KCMF1: variants seen among roughly 807,000 people sequenced by gnomAD.
KCMF1 encodes E3 ubiquitin-protein ligase KCMF1.
KCMF1 carries 3 observed loss-of-function variants against 41.1 expected under a neutral mutation model. The observed-to-expected ratio is 0.07, with a 90% CI of 0.03 to 0.19. The LOEUF (loss-of-function observed/expected upper bound fraction) is 0.19, where lower values mean the gene tolerates loss of function less well. Ranked by LOEUF, KCMF1 falls within the 10% of genes least tolerant of loss-of-function variation. KCMF1 has a pLI of 1.00. For missense variants in KCMF1, 286 were observed against 488.9 expected, an observed-to-expected ratio of 0.58 and a Z score of 3.91; for synonymous variants, 142 against 164.5, an observed-to-expected ratio of 0.86 and a Z score of 1.04.
intron 3 of KCMF1, 131 bp from the exon 4 acceptor site, chr2:85,043,433 C>A: frequency 1.5e-6 from 1 of 661,824 alleles, no homozygotes; most frequent in Non-Finnish European, 2.7e-6. Context: ...CTGCTTTTCA[C>A]TGATTTAGGA....
chr2:85,056,936 T>C lies in KCMF1; in HGVS notation c.*3527T>C, dbSNP rs990199187. 6.6e-6 allele frequency: 1 copy of C among 152,242 alleles called. No individual in the cohort carries two copies. The highest frequency in any genetic ancestry group is 1.5e-5 in the Non-Finnish European group (1 of 68,076). 9.4% of individuals were successfully genotyped at this position (152,242 alleles called of 1,614,324 possible). A position where few individuals can be genotyped will look rare whatever the true frequency, so the allele number is the denominator to read the frequency against. On this transcript the variant is annotated 3_prime_UTR_variant, in exon 7 of 7. Transcript: ENST00000409785. The stretch of plus-strand genomic sequence containing the variant: ...GCTCACGCCTGTAATCCCAGCACTT[T>C]GCGAGGCCGAGGCGGGTGGATCACG...
chr2:85,053,097 A>T, intron 6 of KCMF1, 51 bp from the exon 7 acceptor site: 1 of 1,519,726 alleles, frequency 6.6e-7, no homozygotes, highest in Non-Finnish European at 8.9e-7. Context: ...TGGCCATGCC[A>T]TTGTTCATTG....
chr2:84,984,188 A>G (rs893300595), intron 1 of KCMF1, among the ~76,000 whole-genome samples: 3 of 151,844 alleles, frequency 2.0e-5, no homozygotes, highest in Admixed American at 2.0e-4. Context: ...GCAACATGGT[A>G]AGACCCCATC....
In KCMF1 at chr2:84,971,460, A is replaced by T; in HGVS notation, c.9A>T (p.Arg3=). MS[R]HEGVSCDACL... ...CCACCGTCTGAACTAGGATGTCCCG[A>T]CATGAAGGTGAGAGGAGCCCCCGCC... Residue 3 remains arginine (R), a synonymous_variant, in exon 1 of 7, where the codon CGA becomes CGT. Transcript: ENST00000409785. The T allele has an allele frequency of 7.8e-7, 1 of 1,281,568 alleles. No homozygotes were observed. Among genetic ancestry groups the T allele is most frequent in the Non-Finnish European group, 1.0e-6 (1 of 991,354 alleles). 79.4% of individuals were successfully genotyped at this position (1,281,568 alleles called of 1,614,324 possible). A position where few individuals can be genotyped will look rare whatever the true frequency, so the allele number is the denominator to read the frequency against.
At chr2:85,043,238 A>G (rs969635631) in intron 3 of KCMF1, among the ~76,000 whole-genome samples, 1 of 152,198 alleles carries the variant, frequency 6.6e-6, no homozygotes, top group Non-Finnish European at 1.5e-5. Context: ...GACTGGACTT[A>G]CACGTAAATG....
chr2:84,986,970 G>A (rs971432081), intron 1 of KCMF1, among the ~76,000 whole-genome samples: 15 of 152,276 alleles, frequency 9.9e-5, no homozygotes, highest in African/African-American at 3.1e-4. Flanking sequence ...TGGGTTCAAT[G>A]CTAGTAGTCT....
At chr2:84,991,540 T>TC (rs528975818) in intron 1 of KCMF1, among the ~76,000 whole-genome samples, 12 of 152,330 alleles carry the variant, frequency 7.9e-5, no homozygotes, top group Admixed American at 2.0e-4. Context: ...TTGTCTTTTT[T>TC]CCCACAGTTG....
rs77485870 is a variant in KCMF1 at position 84,980,716 on chromosome 2, A to T, written c.16+9249A>T. On this transcript the variant is annotated intron_variant, in intron 1 of 6. Coordinates refer to ENST00000409785, the MANE Select transcript of KCMF1 (RefSeq NM_020122.5). ...GAGTCCAGTGACATAAACAAGGCTT[A>T]CTGCAGCCTCAACCTTTGGGCTTAC... Among the ~76,000 whole-genome samples, 892 of 151,722 alleles carry T rather than the reference A, an allele frequency of 5.9e-3. 34 individuals carry two copies. In the East Asian group the frequency reaches 0.12, roughly 21 times the overall value.
At chr2:85,008,291 T>TATATC (rs1553379313) in intron 1 of KCMF1, among the ~76,000 whole-genome samples, 878 of 14,622 alleles carry the variant, frequency 0.06, 30 homozygotes, top group African/African-American at 0.13. Context: ...TGATATATAA[T>TATATC]ATATATAATA....
chr2:84,999,146 C>T (rs1558569679), intron 1 of KCMF1, among the ~76,000 whole-genome samples: 1 of 151,520 alleles, frequency 6.6e-6, no homozygotes, highest in African/African-American at 2.4e-5. Flanking sequence ...CGCCTGGCCT[C>T]TTATTTATTT....
intron 1 of KCMF1, among the ~76,000 whole-genome samples, chr2:84,986,915 A>G (rs1233876683): frequency 6.6e-6 from 1 of 152,124 alleles, no homozygotes; most frequent in Non-Finnish European, 1.5e-5. Flanking sequence ...GGACTTACTT[A>G]AGGTTCCAAG....
At chr2:85,049,320 T>C (rs370604700) in intron 5 of KCMF1, 46 bp from the exon 6 acceptor site, 19 of 1,582,308 alleles carry the variant, frequency 1.2e-5, no homozygotes, top group Non-Finnish European at 1.4e-5. Context: ...CGTTTTGTTT[T>C]CCTCAGTATT....
chr2:84,983,418 C>G (rs1673814562), intron 1 of KCMF1, among the ~76,000 whole-genome samples: 1 of 152,020 alleles, frequency 6.6e-6, no homozygotes, highest in African/African-American at 2.4e-5. Context: ...CCTTGACCTC[C>G]CATCCTCAAG....
At chr2:85,034,218 A>G (rs1216340704) in intron 2 of KCMF1, among the ~76,000 whole-genome samples, 2 of 152,204 alleles carry the variant, frequency 1.3e-5, no homozygotes, top group South Asian at 2.1e-4. Flanking sequence ...TAGTATCTTA[A>G]GTTAGCATTT....
Position 85,017,085 on chromosome 2 carries a change from C to T in KCMF1, c.17-10804C>T, listed in dbSNP as rs373945733. Among the ~76,000 whole-genome samples, 9 of 140,696 alleles carry T rather than the reference C, an allele frequency of 6.4e-5. No individual in the cohort carries two copies. In the South Asian group the frequency reaches 6.6e-4, roughly 10 times the overall value. 92.3% of individuals were successfully genotyped at this position (140,696 alleles called of 152,430 possible). ...CAGGCGGGACTGCGGACTGCAGTGG[C>T]GCAATCTCGGCTCACTGCAAGCTCC... is the stretch of plus-strand genomic sequence containing the variant. On this transcript the variant is annotated intron_variant, in intron 1 of 6. Transcript: ENST00000409785.
rs80299863 is a variant in KCMF1, at chr2:84,986,717, GA to G, written c.16+15265del. On this transcript the variant is annotated intron_variant, in intron 1 of 6. Coordinates refer to ENST00000409785, the MANE Select transcript of KCMF1 (RefSeq NM_020122.5). ...ATGGTGAAACCGTGTCTGTACTTAA[GA>G]AAAAAAAAAAAAAATTAGCCAGGCG... Among the ~76,000 whole-genome samples the G allele has an allele frequency of 5.5e-3, 726 of 133,094 alleles. 1 individual carries two copies. Among genetic ancestry groups the G allele is most frequent in the East Asian group, 0.012 (55 of 4,638 alleles). The allele number at this position is 133,094 out of a possible 152,430, so 87.3% of individuals were successfully genotyped here.
chr2:85,011,281 A>G (rs1354638854), intron 1 of KCMF1, among the ~76,000 whole-genome samples: 4 of 152,090 alleles, frequency 2.6e-5, no homozygotes, highest in Admixed American at 6.6e-5. Context: ...TCATTTTAGA[A>G]CTGGATATAT....
At chr2:84,988,087 G>T (rs11126980) in intron 1 of KCMF1, among the ~76,000 whole-genome samples, 4 of 151,828 alleles carry the variant, frequency 2.6e-5, no homozygotes, top group African/African-American at 4.8e-5. Context: ...ACAAAATTAG[G>T]CGGGTGTGAT....
At position 85,046,295 on chromosome 2, in the gene KCMF1, T is replaced by G. The variant is rs765061142; in HGVS notation, c.601+17T>G. The G allele has an allele frequency of 1.8e-5, 29 of 1,600,400 alleles. No homozygotes were observed. Among genetic ancestry groups the G allele is most frequent in the Non-Finnish European group, 8.5e-7 (1 of 1,171,464 alleles). On this transcript the variant is annotated intron_variant, in intron 5 of 6. Coordinates refer to ENST00000409785, the MANE Select transcript of KCMF1 (RefSeq NM_020122.5). ...CTATAGCTGGTAAGTTAGTTTCACA[T>G]TAATAAGGGAAATGGCAGGGGAAGG... is the stretch of plus-strand genomic sequence containing the variant.
Sources: gnomAD v4.1 joint callset for allele counts (sites outside exome capture counted in the v4.1 genomes callset) on GRCh38, gnomAD v4.1.1 for gene constraint, MANE v1.5 for transcripts, NCBI Gene and HGNC (gene_info 2026-07-23, HGNC 2026-07-21) for gene names.